Variants in KLHL1 observed in about 807,000 individuals in gnomAD.
KLHL1 encodes the protein kelch like family member 1.
A neutral mutation model predicts 77.7 loss-of-function variants in KLHL1; 47 were observed. The ratio of observed to expected loss-of-function variants is 0.60; its 90% CI spans 0.48 to 0.77. The LOEUF is 0.77. Among genes scored for constraint, KLHL1 ranks in the 30% least tolerant of loss-of-function variants. The pLI is 0.00. For synonymous variants in KLHL1, 360 were observed against 325.2 expected (o/e 1.11, Z -1.15); for missense variants, 925 against 910.8 (o/e 1.02, Z -0.20).
intron 1 of KLHL1, among the ~76,000 whole-genome samples, chr13:70,039,365 T>G (rs959160371): frequency 6.6e-6 from 1 of 152,054 alleles, no homozygotes; most frequent in Non-Finnish European, 1.5e-5. Context: ...ATTACAGGAA[T>G]GAGTCACCAG....
At chr13:69,733,169 T>A (rs1469652914) in intron 8 of KLHL1, among the ~76,000 whole-genome samples, 2 of 151,840 alleles carry the variant, frequency 1.3e-5, no homozygotes, top group African/African-American at 4.8e-5. Context: ...TTAACTAATA[T>A]AAACACAGTA....
rs1442893948 is a variant in KLHL1, at chr13:70,108,113, G to A, written c.-414C>T. The A allele has an allele frequency of 2.4e-6, 1 of 408,832 alleles. No individual in the cohort carries two copies. The highest frequency in any genetic ancestry group is 3.5e-5 in the East Asian group (1 of 28,222). 25.3% of individuals were successfully genotyped at this position (408,832 alleles called of 1,614,324 possible). A position where few individuals can be genotyped will look rare whatever the true frequency, so the allele number is the denominator to read the frequency against. The stretch of plus-strand genomic sequence containing the variant: ...GCTGCAGCTGGATACACCTCACTGG[G>A]ATGCGCTTGTGGCAGAGCCTTAGTA... On this transcript the variant is annotated 5_prime_UTR_variant, in exon 1 of 11. Transcript: ENST00000377844.
intron 6 of KLHL1, among the ~76,000 whole-genome samples, chr13:69,798,520 G>C (rs1266669290): frequency 6.6e-6 from 1 of 151,888 alleles, no homozygotes; most frequent in Non-Finnish European, 1.5e-5. Flanking sequence ...GGAAATTATT[G>C]TTATTGTTAG....
At chr13:69,724,951 T>C (rs2137903944) in intron 8 of KLHL1, among the ~76,000 whole-genome samples, 1 of 152,312 alleles carries the variant, frequency 6.6e-6, no homozygotes, top group African/African-American at 2.4e-5. Context: ...TCTGCTCTAC[T>C]TATTTCCCCC....
intron 3 of KLHL1, among the ~76,000 whole-genome samples, chr13:69,956,192 T>C (rs993182968): frequency 1.5e-5 from 2 of 133,350 alleles, no homozygotes; most frequent in Non-Finnish European, 3.1e-5. Context: ...CTGATATATA[T>C]ATAAAACAAA....
At chr13:69,985,863 G>A (rs1884853838) in intron 1 of KLHL1, among the ~76,000 whole-genome samples, 1 of 54,912 alleles carries the variant, frequency 1.8e-5, no homozygotes, top group Non-Finnish European at 6.0e-5. Flanking sequence ...TATATACATA[G>A]TATTCCACTG....
chr13:69,875,534 G>T (rs1477361399), intron 5 of KLHL1, among the ~76,000 whole-genome samples: 1 of 152,100 alleles, frequency 6.6e-6, no homozygotes, highest in Non-Finnish European at 1.5e-5. Flanking sequence ...TTCAGATTAT[G>T]TTCCAAATTC....
At chr13:70,037,623 AATT>A (rs1357859848) in intron 1 of KLHL1, among the ~76,000 whole-genome samples, 1 of 151,814 alleles carries the variant, frequency 6.6e-6, no homozygotes, top group African/African-American at 2.4e-5. Flanking sequence ...CTTGTAATTC[AATT>A]ATATATGTTA....
chr13:69,856,377 G>A (rs539522005), intron 5 of KLHL1, among the ~76,000 whole-genome samples: 3 of 152,028 alleles, frequency 2.0e-5, no homozygotes, highest in African/African-American at 7.2e-5. Flanking sequence ...TGGAACTGAG[G>A]AAAATGCTGA....
intron 7 of KLHL1, among the ~76,000 whole-genome samples, chr13:69,750,109 G>T (rs1254616247): frequency 6.6e-6 from 1 of 151,234 alleles, no homozygotes; most frequent in East Asian, 1.9e-4. Flanking sequence ...TTTAATCATT[G>T]TATTAAATTA....
rs192262505 is a variant in KLHL1, at chr13:69,831,798, G to T, written c.1414+7178C>A. ...GGGATGCATGGATGTTTTCAAATATGCAAGTCAATAGATGTGCTACACAAC... is the reference window on the plus strand; with the variant it reads ...GGGATGCATGGATGTTTTCAAATATTCAAGTCAATAGATGTGCTACACAAC... On this transcript the variant is annotated intron_variant, in intron 6 of 10. Coordinates refer to ENST00000377844, the MANE Select transcript of KLHL1 (RefSeq NM_020866.3). Among the ~76,000 whole-genome samples, 171 of 150,166 alleles carry T rather than the reference G, an allele frequency of 1.1e-3. 8 individuals carry two copies. Among genetic ancestry groups the T allele is most frequent in the Admixed American group, 2.8e-3 (42 of 15,054 alleles).
chr13:69,940,042 T>C lies in KLHL1; in HGVS notation c.1012A>G (p.Met338Val), dbSNP rs1271565617. 3.1e-6 allele frequency: 5 copies of C among 1,600,270 alleles called. No homozygotes were observed. The highest frequency in any genetic ancestry group is 2.7e-5 in the African/African-American group (2 of 74,270). The change falls in exon 4 of 11, where the codon ATG becomes GTG. Residue 338 changes from methionine (M) to valine (V), a missense_variant and splice_region_variant. By Grantham distance (21) the Met-to-Val change is conservative (BLOSUM62 1). Transcript: ENST00000377844. ...ELMKVAHSYT[M>V]ENIMEVIRNQ... Reference sequence around the variant, plus strand: ...ATTAAAACATTAAGTTTCCTTACCATTGTGTAGCTGTGGGCCACCTTCATT... The same window carrying C: ...ATTAAAACATTAAGTTTCCTTACCACTGTGTAGCTGTGGGCCACCTTCATT...
At chr13:69,839,984 C>T (rs567710205) in intron 5 of KLHL1, among the ~76,000 whole-genome samples, 2 of 151,630 alleles carry the variant, frequency 1.3e-5, no homozygotes, top group Non-Finnish European at 1.5e-5. Flanking sequence ...AAAATGTGTC[C>T]CATAGATTTA....
intron 1 of KLHL1, among the ~76,000 whole-genome samples, chr13:69,999,977 T>C (rs1364834300): frequency 6.6e-6 from 1 of 151,952 alleles, no homozygotes; most frequent in Non-Finnish European, 1.5e-5. Flanking sequence ...TGAGAGGTAT[T>C]TGGGTCATGG....
intron 1 of KLHL1, among the ~76,000 whole-genome samples, chr13:70,070,382 G>A (rs1290553594): frequency 1.3e-5 from 2 of 151,924 alleles, no homozygotes; most frequent in Non-Finnish European, 2.9e-5. Flanking sequence ...TGTATCTATA[G>A]AAGAACAAAG....
chr13:69,974,670 A>AT (rs1366926769), intron 2 of KLHL1, among the ~76,000 whole-genome samples: 1 of 151,998 alleles, frequency 6.6e-6, no homozygotes, highest in Non-Finnish European at 1.5e-5. Flanking sequence ...AATATTATTT[A>AT]ATTTATAAGT....
chr13:69,972,868 G>T (rs531949680), intron 2 of KLHL1, among the ~76,000 whole-genome samples: 1 of 151,864 alleles, frequency 6.6e-6, no homozygotes, highest in East Asian at 1.9e-4. Context: ...TTTTAATATT[G>T]ATCTGTCAAC....
At chr13:69,953,910 G>A (rs899423061) in intron 3 of KLHL1, among the ~76,000 whole-genome samples, 11 of 151,162 alleles carry the variant, frequency 7.3e-5, no homozygotes, top group African/African-American at 2.4e-4. Flanking sequence ...TCATAATTGA[G>A]TGTTTGCTGC....
chr13:69,824,003 C>CAT (rs1051231502), intron 6 of KLHL1, among the ~76,000 whole-genome samples: 6 of 151,702 alleles, frequency 4.0e-5, no homozygotes, highest in East Asian at 1.9e-4. Flanking sequence ...TGTATATGTG[C>CAT]ATATATATAT....
Sources: gnomAD v4.1 joint callset for allele counts (sites outside exome capture counted in the v4.1 genomes callset) on GRCh38, gnomAD v4.1.1 for gene constraint, MANE v1.5 for transcripts, NCBI Gene and HGNC (gene_info 2026-07-23, HGNC 2026-07-21) for gene names.